NKAIN1: variants seen among roughly 807,000 people sequenced by gnomAD.
NKAIN1 encodes sodium/potassium transporting ATPase interacting 1, also known as sodium/potassium-transporting ATPase subunit beta-1-interacting protein 1.
Under a neutral mutation model 31.6 loss-of-function variants are expected in NKAIN1, and 13 were observed. The ratio of observed to expected loss-of-function variants is 0.41; its 90% CI spans 0.27 to 0.65. The LOEUF (loss-of-function observed/expected upper bound fraction) is 0.65, where lower values mean the gene tolerates loss of function less well. Among genes scored for constraint, NKAIN1 ranks in the 30% least tolerant of loss-of-function variants. NKAIN1 has a pLI of 0.30. For missense variants in NKAIN1, 193 were observed against 262.2 expected, an observed-to-expected ratio of 0.74 and a Z score of 1.82; for synonymous variants, 104 against 109.0, an observed-to-expected ratio of 0.95 and a Z score of 0.28.
intron 1 of NKAIN1, among the ~76,000 whole-genome samples, chr1:31,210,133 C>T (rs1412884559): frequency 6.6e-6 from 1 of 152,118 alleles, no homozygotes; most frequent in Non-Finnish European, 1.5e-5. Context: ...TGATGCTTTG[C>T]AGAAATGCAT....
Position 31,188,053 on chromosome 1 carries a change from G to C in NKAIN1, c.189C>G (p.Ile63Met). 6.4e-7 allele frequency: 1 copy of C among 1,553,268 alleles called. No homozygotes were observed. Among genetic ancestry groups the C allele is most frequent in the African/African-American group, 1.4e-5 (1 of 73,224 alleles). ...GTVQYRSRYL[I>M]LYAAWLVLWV... is the part of the protein sequence containing the mutation. ...GAAGGGGCTAGGTGAGCCGTACCAG[G>C]ATGAGGTACCGGGAGCGGTACTGCA... The change falls in exon 2 of 7, where the codon ATC becomes ATG. Residue 63 changes from isoleucine to methionine, a missense_variant. Coordinates refer to ENST00000373736, the MANE Select transcript of NKAIN1 (RefSeq NM_024522.3).
chr1:31,214,429 A>G (rs1645494505), intron 1 of NKAIN1, among the ~76,000 whole-genome samples: 1 of 151,140 alleles, frequency 6.6e-6, no homozygotes, highest in African/African-American at 2.4e-5. Context: ...GAACAATTTT[A>G]TGGTATGTGA....
At chr1:31,184,308 C>T (rs1298146950) in intron 3 of NKAIN1, among the ~76,000 whole-genome samples, 1 of 152,104 alleles carries the variant, frequency 6.6e-6, no homozygotes, top group African/African-American at 2.4e-5. Context: ...CTTAACAGCC[C>T]ATTCAGTATC....
chr1:31,221,480 G>T (rs1000742643), intron 1 of NKAIN1, among the ~76,000 whole-genome samples: 1 of 152,170 alleles, frequency 6.6e-6, no homozygotes, highest in Non-Finnish European at 1.5e-5. Context: ...TCTGTCGCCA[G>T]GCTGGAGTGC....
chr1:31,213,003 T>A (rs1265875271), intron 1 of NKAIN1, among the ~76,000 whole-genome samples: 4 of 147,924 alleles, frequency 2.7e-5, no homozygotes, highest in Non-Finnish European at 4.5e-5. Context: ...TCTCAAAAAA[T>A]AAATAAATAA....
At chr1:31,191,573 A>G (rs977844809) in intron 1 of NKAIN1, among the ~76,000 whole-genome samples, 5 of 152,116 alleles carry the variant, frequency 3.3e-5, no homozygotes, top group Admixed American at 2.0e-4. Flanking sequence ...TTGTGGGGAT[A>G]TAGAGATATC....
rs966246466 is a variant in NKAIN1, at chr1:31,239,552, C to A, written c.-5G>T. The A allele has an allele frequency of 2.2e-4, 277 of 1,250,804 alleles. 1 individual carries two copies. Among genetic ancestry groups the A allele is most frequent in the Non-Finnish European group, 2.5e-4 (252 of 998,450 alleles). The allele number at this position is 1,250,804 out of a possible 1,614,324, so 77.5% of individuals were successfully genotyped here. On this transcript the variant is annotated 5_prime_UTR_variant, in exon 1 of 7. Transcript: ENST00000373736. The surrounding 1 kb of genome is among the most constrained non-coding windows in gnomAD (Gnocchi z 4.8). ...GCGCCCGCTGCACTTGCCCATGGCTCCGGGGGCTGCGCGGGCCGCACGCCG... is the reference window on the plus strand; with the variant it reads ...GCGCCCGCTGCACTTGCCCATGGCTACGGGGGCTGCGCGGGCCGCACGCCG...
intron 1 of NKAIN1, among the ~76,000 whole-genome samples, chr1:31,201,563 G>A (rs12069466): frequency 0.043 from 6,583 of 151,824 alleles, 409 homozygotes; most frequent in African/African-American, 0.13. Context: ...GGGTTTCACC[G>A]TGTTAGCCAG....
At chr1:31,183,493 G>A (rs1009662905) in intron 4 of NKAIN1, among the ~76,000 whole-genome samples, 14 of 134,160 alleles carry the variant, frequency 1.0e-4, no homozygotes, top group Non-Finnish European at 1.7e-4. Context: ...TTGTTGCCCA[G>A]GCTAGAGTAC....
rs148441705 is a variant in NKAIN1, at chr1:31,203,159, G to A, written c.55-14972C>T. Among the ~76,000 whole-genome samples the A allele has an allele frequency of 6.3e-3, 963 of 151,974 alleles. 10 individuals carry two copies. The highest frequency in any genetic ancestry group is 0.022 in the African/African-American group (899 of 41,450). ...TGGTGGCTGTAATCCCAGCTACTCGGGAGGCTGAGGCAGGAGAATCACTTG... is the reference window on the plus strand; with the variant it reads ...TGGTGGCTGTAATCCCAGCTACTCGAGAGGCTGAGGCAGGAGAATCACTTG... On this transcript the variant is annotated intron_variant, in intron 1 of 6. Coordinates refer to ENST00000373736, the MANE Select transcript of NKAIN1 (RefSeq NM_024522.3).
At chr1:31,230,681 C>CA (rs985091768) in intron 1 of NKAIN1, among the ~76,000 whole-genome samples, 1 of 152,150 alleles carries the variant, frequency 6.6e-6, no homozygotes, top group Non-Finnish European at 1.5e-5. Flanking sequence ...GCTCTCCCCC[C>CA]ATGGCCTGGA....
intron 1 of NKAIN1, among the ~76,000 whole-genome samples, chr1:31,222,354 G>A (rs78663062): frequency 0.062 from 9,432 of 152,298 alleles, 416 homozygotes; most frequent in Admixed American, 0.16. Context: ...GTGGCTACTG[G>A]GAAGTCAGGG....
At chr1:31,234,870 G>A (rs1645683237) in intron 1 of NKAIN1, among the ~76,000 whole-genome samples, 1 of 152,104 alleles carries the variant, frequency 6.6e-6, no homozygotes, top group Admixed American at 6.6e-5. Flanking sequence ...AAGAGTCCTC[G>A]CATCTTGGTT....
chr1:31,239,630 C>A lies in NKAIN1; in HGVS notation c.-83G>T. 2.6e-6 allele frequency: 2 copies of A among 761,536 alleles called. No individual in the cohort carries two copies. The highest frequency in any genetic ancestry group is 1.9e-5 in the African/African-American group (1 of 52,904). The allele number at this position is 761,536 out of a possible 1,614,324, so 47.2% of individuals were successfully genotyped here. A position where few individuals can be genotyped will look rare whatever the true frequency, so the allele number is the denominator to read the frequency against. ...GCCTGCTCGCGCCGCGCGGGCTCCA[C>A]GTCCTCCCCGCTGGGCGCGCCGGGC... On this transcript the variant is annotated 5_prime_UTR_variant, in exon 1 of 7. Transcript: ENST00000373736. The surrounding 1 kb of genome is among the most constrained non-coding windows in gnomAD (Gnocchi z 4.8).
intron 1 of NKAIN1, among the ~76,000 whole-genome samples, chr1:31,219,174 G>A (rs574607091): frequency 6.6e-6 from 1 of 152,378 alleles, no homozygotes; most frequent in African/African-American, 2.4e-5. Context: ...GGTAGGCCAG[G>A]CTGTGAATTT....
chr1:31,205,455 C>T lies in NKAIN1; in HGVS notation c.55-17268G>A, dbSNP rs987823460. Among the ~76,000 whole-genome samples, 6 of 152,112 alleles carry T rather than the reference C, an allele frequency of 3.9e-5. No homozygotes were observed. In the South Asian group the frequency reaches 8.3e-4, roughly 21 times the overall value. ...TCCTGAGTAGCCACAACTACGGGCA[C>T]GCCCCACCATGCCCAGATAATTTTT... On this transcript the variant is annotated intron_variant, in intron 1 of 6. Coordinates refer to ENST00000373736, the MANE Select transcript of NKAIN1 (RefSeq NM_024522.3).
chr1:31,186,394 G>GTTTTTTTTTTTTTTTTTTTTTTTTTT (rs11303246), intron 2 of NKAIN1, among the ~76,000 whole-genome samples: 1 of 97,276 alleles, frequency 1.0e-5, no homozygotes, highest in Non-Finnish European at 1.9e-5. Flanking sequence ...ATTCTTTTGT[G>GTTTTTTTTTTTTTTTTTTTTTTTTTT]TTTTTTTTTT....
intron 1 of NKAIN1, among the ~76,000 whole-genome samples, chr1:31,220,590 A>T (rs527360855): frequency 1.3e-5 from 2 of 151,954 alleles, no homozygotes; most frequent in Non-Finnish European, 2.9e-5. Context: ...CCCTGTCTCT[A>T]CTAAAAATAT....
chr1:31,200,492 CTGT>C (rs1645372135), intron 1 of NKAIN1, among the ~76,000 whole-genome samples: 1 of 125,444 alleles, frequency 8.0e-6, no homozygotes, highest in Non-Finnish European at 1.6e-5. Context: ...CAGGGTCTTG[CTGT>C]TGTTCATGCT....
Sources: gnomAD v4.1 joint callset for allele counts (sites outside exome capture counted in the v4.1 genomes callset) on GRCh38, gnomAD v4.1.1 for gene constraint, Gnocchi (gnomAD v3.1) non-coding constraint, MANE v1.5 for transcripts, NCBI Gene and HGNC (gene_info 2026-07-23, HGNC 2026-07-21) for gene names.